IGF2BP2: variants seen among roughly 807,000 people sequenced by gnomAD.
The protein encoded by IGF2BP2 is insulin-like growth factor 2 mRNA-binding protein 2.
IGF2BP2 carries 17 observed loss-of-function variants against 75.8 expected under a neutral mutation model. The ratio of observed to expected loss-of-function variants is 0.22; its 90% CI spans 0.15 to 0.34. The LOEUF (loss-of-function observed/expected upper bound fraction) is 0.34, where lower values mean the gene tolerates loss of function less well. IGF2BP2 is among the 10% of genes least tolerant of loss of function. The pLI, the probability that IGF2BP2 is intolerant of heterozygous loss-of-function variation, is 1.00. For missense variants in IGF2BP2, 516 were observed against 772.4 expected (o/e 0.67, Z 3.93); for synonymous variants, 288 against 295.6 (o/e 0.97, Z 0.26).
chr3:185,677,119 C>T (rs1372374029), intron 7 of IGF2BP2, among the ~76,000 whole-genome samples: 3 of 77,274 alleles, frequency 3.9e-5, no homozygotes, highest in Admixed American at 1.4e-4. Context: ...GTATATATAT[C>T]CAGTAAAAAA....
At position 185,675,421 on chromosome 3, in the gene IGF2BP2, A is replaced by G. The variant is rs1347582655; in HGVS notation, c.946T>C (p.Leu316=). ...TKITISSLQD[L]SIYNPERTIT... is the part of the protein sequence containing the mutation. The stretch of plus-strand genomic sequence containing the variant: ...GTTCTTTCCGGGTTGTATATGCTCA[A>G]ATCCTGCAAACTGACCCATGAGAAG... The change falls in exon 9 of 16, where the codon TTG becomes CTG. Residue 316 remains leucine, a synonymous_variant. Transcript: ENST00000382199. The G allele has an allele frequency of 1.2e-6, 2 of 1,610,246 alleles. No individual in the cohort carries two copies. Among genetic ancestry groups the G allele is most frequent in the African/African-American group, 2.7e-5 (2 of 74,802 alleles).
chr3:185,704,077 T>C (rs1393043387), intron 2 of IGF2BP2, among the ~76,000 whole-genome samples: 1 of 152,168 alleles, frequency 6.6e-6, no homozygotes, highest in Non-Finnish European at 1.5e-5. Flanking sequence ...GAGCGTCCTT[T>C]GGGGCTCCAT....
intron 2 of IGF2BP2, among the ~76,000 whole-genome samples, chr3:185,732,487 G>A (rs533102071): frequency 6.6e-6 from 1 of 152,256 alleles, no homozygotes; most frequent in South Asian, 2.1e-4. Flanking sequence ...GTTAAGACTG[G>A]TGTGAAACCT....
At chr3:185,742,379 C>G (rs560820781) in intron 2 of IGF2BP2, among the ~76,000 whole-genome samples, 12 of 152,154 alleles carry the variant, frequency 7.9e-5, no homozygotes, top group African/African-American at 2.2e-4. Context: ...GCCCGTAATC[C>G]CAGCTACTTG....
intron 10 of IGF2BP2, among the ~76,000 whole-genome samples, chr3:185,660,216 C>A (rs940066339): frequency 6.6e-6 from 1 of 152,150 alleles, no homozygotes; most frequent in Non-Finnish European, 1.5e-5. Flanking sequence ...CAGCTCTGGG[C>A]ACCATGGAAC....
intron 7 of IGF2BP2, among the ~76,000 whole-genome samples, chr3:185,685,946 A>G (rs1383623494): frequency 6.6e-6 from 1 of 152,186 alleles, no homozygotes; most frequent in Non-Finnish European, 1.5e-5. Context: ...ACCCAGCATG[A>G]AAGTCTATTT....
At position 185,707,295 on chromosome 3, in the gene IGF2BP2, C is replaced by CTTTTTTTT. The variant is rs1159568857; in HGVS notation, c.240-8956_240-8949dup. On this transcript the variant is annotated intron_variant, in intron 2 of 15. Coordinates refer to ENST00000382199, the MANE Select transcript of IGF2BP2 (RefSeq NM_006548.6). ...TTATATTCAGTGTGTAACGAAGGGG[C>CTTTTTTTT]TTTTTTTTTTTTTTTTTTTTTTTTT... 8.0e-4 allele frequency among the ~76,000 whole-genome samples: 32 copies of CTTTTTTTT among 39,856 alleles called. 7 individuals are homozygous for CTTTTTTTT. Among genetic ancestry groups the CTTTTTTTT allele is most frequent in the African/African-American group, 2.1e-3 (19 of 8,908 alleles). 26.1% of individuals were successfully genotyped at this position (39,856 alleles called of 152,430 possible).
chr3:185,804,744 C>A (rs1177052374), intron 2 of IGF2BP2, among the ~76,000 whole-genome samples: 1 of 152,092 alleles, frequency 6.6e-6, no homozygotes. Context: ...AATCCCAGCA[C>A]TTTGGGAGGC....
At chr3:185,813,005 T>C (rs1176320746) in intron 2 of IGF2BP2, among the ~76,000 whole-genome samples, 2 of 152,210 alleles carry the variant, frequency 1.3e-5, no homozygotes, top group East Asian at 3.8e-4. Context: ...AGACACAACA[T>C]ACCATTAATA....
At chr3:185,675,009 C>CTTTTTTTTTTGTTTTTT (rs1719092399) in intron 9 of IGF2BP2, 1 of 110,010 alleles carries the variant, frequency 9.1e-6, no homozygotes, top group African/African-American at 3.7e-5. Context: ...TCTTGCTTTT[C>CTTTTTTTTTTGTTTTTT]TTTTTTTTTT....
chr3:185,759,446 G>T (rs1354561468), intron 2 of IGF2BP2, among the ~76,000 whole-genome samples: 1 of 152,182 alleles, frequency 6.6e-6, no homozygotes, highest in African/African-American at 2.4e-5. Flanking sequence ...GCCTCTGTAA[G>T]ATGACACTAA....
chr3:185,769,409 A>G (rs1453113201), intron 2 of IGF2BP2, among the ~76,000 whole-genome samples: 1 of 152,108 alleles, frequency 6.6e-6, no homozygotes. Context: ...AGTTATAAAG[A>G]GACAGCAAAC....
At position 185,693,432 on chromosome 3, in the gene IGF2BP2, A is replaced by C. The variant is rs1026963145; in HGVS notation, c.341-670T>G. On this transcript the variant is annotated intron_variant, in intron 4 of 15. Transcript: ENST00000382199. Reference sequence around the variant, plus strand: ...ATATTTTAATTTAAATTATTCATTCACTGACAAGGTTGAACCATCACTATT... The same window carrying C: ...ATATTTTAATTTAAATTATTCATTCCCTGACAAGGTTGAACCATCACTATT... Among the ~76,000 whole-genome samples the C allele has an allele frequency of 2.0e-5, 3 of 152,236 alleles. No individual in the cohort carries two copies. In the East Asian group the frequency reaches 5.8e-4, roughly 29 times the overall value.
intron 2 of IGF2BP2, among the ~76,000 whole-genome samples, chr3:185,819,785 G>A (rs978758356): frequency 1.3e-5 from 2 of 152,038 alleles, no homozygotes; most frequent in African/African-American, 4.8e-5. Context: ...AGTCATTTCT[G>A]TTTCTAGAAA....
At chr3:185,740,092 C>T (rs568868291) in intron 2 of IGF2BP2, among the ~76,000 whole-genome samples, 1 of 152,188 alleles carries the variant, frequency 6.6e-6, no homozygotes, top group South Asian at 2.1e-4. Context: ...AAGCAATCCA[C>T]CCGCCTCAGC....
intron 2 of IGF2BP2, among the ~76,000 whole-genome samples, chr3:185,802,184 A>T (rs1262170570): frequency 2.0e-5 from 3 of 152,002 alleles, no homozygotes; most frequent in Non-Finnish European, 4.4e-5. Context: ...ATTAGAAAAA[A>T]AAAAGAAATC....
At position 185,726,581 on chromosome 3, in the gene IGF2BP2, C is replaced by T. The variant is rs538428799; in HGVS notation, c.240-28234G>A. Among the ~76,000 whole-genome samples the T allele has an allele frequency of 2.6e-5, 4 of 152,248 alleles. No individual in the cohort carries two copies. The South Asian group carries it at 6.2e-4, about 24-fold the overall frequency. ...TGAGTTCTCTGCCATTGTAATAGAC[C>T]CAATACCTATCTTTCAGCCTTCAGA... On this transcript the variant is annotated intron_variant, in intron 2 of 15. Transcript: ENST00000382199.
Position 185,643,193 on chromosome 3 carries a change from C to T in IGF2BP2, c.*2338G>A, listed in dbSNP as rs994355821. 3.3e-5 allele frequency among the ~76,000 whole-genome samples: 5 copies of T among 152,188 alleles called. No individual in the cohort carries two copies. The highest frequency in any genetic ancestry group is 9.7e-5 in the African/African-American group (4 of 41,436). On this transcript the variant is annotated 3_prime_UTR_variant, in exon 16 of 16. Coordinates refer to ENST00000382199, the MANE Select transcript of IGF2BP2 (RefSeq NM_006548.6). ...CTGTGGTGGTCTGGAACTGAACCTG[C>T]GACGTTCCTGAGGTATGCCTGCACT...
chr3:185,724,066 A>C (rs1315318921), intron 2 of IGF2BP2, among the ~76,000 whole-genome samples: 1 of 152,178 alleles, frequency 6.6e-6, no homozygotes, highest in Non-Finnish European at 1.5e-5. Flanking sequence ...CACAGCAAAC[A>C]CATGCTTGGG....
Sources: allele counts gnomAD v4.1 joint callset (sites outside exome capture counted in the v4.1 genomes callset), GRCh38; gene constraint gnomAD v4.1.1; transcripts MANE v1.5; gene names NCBI Gene and HGNC (gene_info 2026-07-23, HGNC 2026-07-21).